The following SEPHS1 variants were observed in gnomAD, a reference collection of about 807,000 sequenced individuals.
The protein encoded by SEPHS1 is selenophosphate synthetase 1.
SEPHS1 carries 7 observed loss-of-function variants against 39.2 expected under a neutral mutation model. That is an observed-to-expected ratio of 0.18 (90% CI 0.10 to 0.34). The LOEUF (loss-of-function observed/expected upper bound fraction) is 0.34. Among genes scored for constraint, SEPHS1 ranks in the 10% least tolerant of loss-of-function variants. The pLI is 1.00. For synonymous variants in SEPHS1, 190 were observed against 195.5 expected, an observed-to-expected ratio of 0.97 and a Z score of 0.23; for missense variants, 253 against 514.5, an observed-to-expected ratio of 0.49 and a Z score of 4.92.
At chr10:13,346,998 G>A (rs74870404) in intron 1 of SEPHS1, among the ~76,000 whole-genome samples, 2,230 of 152,242 alleles carry the variant, frequency 0.015, 50 homozygotes, top group African/African-American at 0.051. Context: ...CATTTTTGGA[G>A]GGCATGGGAA....
intron 2 of SEPHS1, 116 bp from the exon 3 acceptor site, chr10:13,338,924 G>A (rs1833714381): frequency 9.3e-6 from 7 of 749,046 alleles, no homozygotes; most frequent in South Asian, 1.5e-5. Context: ...ACTGCAGGCT[G>A]CCAATGAAGC....
intron 8 of SEPHS1, among the ~76,000 whole-genome samples, chr10:13,321,075 A>G (rs1337974706): frequency 6.6e-6 from 1 of 151,942 alleles, no homozygotes; most frequent in Non-Finnish European, 1.5e-5. Flanking sequence ...AGAGTCCTGA[A>G]GCCCCCTCGC....
chr10:13,344,680 C>A, intron 2 of SEPHS1, 78 bp downstream of exon 2: 2 of 1,033,914 alleles, frequency 1.9e-6, no homozygotes, highest in Non-Finnish European at 2.7e-6. Flanking sequence ...AATAAATAGG[C>A]AACATGGGAG....
Position 13,318,865 on chromosome 10 carries a change from G to C in SEPHS1, c.*277C>G. The C allele has an allele frequency of 2.4e-6, 1 of 411,558 alleles. No homozygotes were observed. The allele number at this position is 411,558 out of a possible 1,614,324, so 25.5% of individuals were successfully genotyped here. A position where few individuals can be genotyped will look rare whatever the true frequency, so the allele number is the denominator to read the frequency against. The stretch of plus-strand genomic sequence containing the variant: ...CCTTTAAAAAGCCTATGCGGCAAGA[G>C]ATAAGTGTCTAAAGATTCAAAATGA... On this transcript the variant is annotated 3_prime_UTR_variant, in exon 9 of 9. Transcript: ENST00000327347.
At chr10:13,335,078 TC>T (rs1833587090) in intron 4 of SEPHS1, among the ~76,000 whole-genome samples, 1 of 152,198 alleles carries the variant, frequency 6.6e-6, no homozygotes. Context: ...AACTCAAGTT[TC>T]TCTAAGGCAG....
chr10:13,331,477 C>T (rs531359983), intron 5 of SEPHS1, among the ~76,000 whole-genome samples: 1 of 152,272 alleles, frequency 6.6e-6, no homozygotes, highest in East Asian at 1.9e-4. Context: ...CCTCCGCCTC[C>T]TGGGTTCAAA....
chr10:13,342,067 C>T (rs1299284268), intron 2 of SEPHS1, among the ~76,000 whole-genome samples: 4 of 150,636 alleles, frequency 2.7e-5, no homozygotes, highest in Non-Finnish European at 5.9e-5. Flanking sequence ...ATCACGAGGT[C>T]AGGAGATCGA....
intron 8 of SEPHS1, among the ~76,000 whole-genome samples, chr10:13,321,868 T>C (rs561333229): frequency 1.3e-5 from 2 of 152,092 alleles, no homozygotes; most frequent in South Asian, 4.1e-4. Context: ...CGGACAGATG[T>C]GGCCACCAAA....
rs1452385888 is a variant in SEPHS1 at position 13,325,950 on chromosome 10, A to ATAATAAT, written c.751+2400_751+2401insATTATTA. Among the ~76,000 whole-genome samples the ATAATAAT allele has an allele frequency of 9.8e-5, 6 of 61,486 alleles. 1 individual carries two copies. Among genetic ancestry groups the ATAATAAT allele is most frequent in the African/African-American group, 3.4e-4 (6 of 17,680 alleles). The allele number at this position is 61,486 out of a possible 152,430, so 40.3% of individuals were successfully genotyped here. A position where few individuals can be genotyped will look rare whatever the true frequency, so the allele number is the denominator to read the frequency against. On this transcript the variant is annotated intron_variant, in intron 7 of 8. Transcript: ENST00000327347. ...AAAAAAAAAGAGACTCAGTCTCAAA[A>ATAATAAT]AAAAAAAAAAAAAATAATAATAATA...
chr10:13,347,636 C>T (rs1256900071), intron 1 of SEPHS1, among the ~76,000 whole-genome samples: 1 of 146,928 alleles, frequency 6.8e-6, no homozygotes, highest in African/African-American at 2.4e-5. Flanking sequence ...CCCGCGACCC[C>T]AGGCCGGCCG....
At chr10:13,337,745 G>A (rs770812450) in intron 3 of SEPHS1, among the ~76,000 whole-genome samples, 4 of 152,194 alleles carry the variant, frequency 2.6e-5, no homozygotes, top group Non-Finnish European at 5.9e-5. Flanking sequence ...AGCCATCCCT[G>A]CCACCTGGTC....
rs979415403 is a variant in SEPHS1 at position 13,348,217 on chromosome 10, G to C, written c.-296C>G. The stretch of plus-strand genomic sequence containing the variant: ...GGAGCCGGGCCGCCGCGCTCCCGCC[G>C]GCTGGGCGCGCGGGGGTCCTTTAAG... On this transcript the variant is annotated 5_prime_UTR_variant, in exon 1 of 9. Transcript: ENST00000327347. 2.1e-5 allele frequency: 3 copies of C among 145,700 alleles called. No homozygotes were observed. Among genetic ancestry groups the C allele is most frequent in the African/African-American group, 7.4e-5 (3 of 40,298 alleles). 9.0% of individuals were successfully genotyped at this position (145,700 alleles called of 1,614,324 possible). A position where few individuals can be genotyped will look rare whatever the true frequency, so the allele number is the denominator to read the frequency against.
At chr10:13,346,893 C>A (rs929942329) in intron 1 of SEPHS1, among the ~76,000 whole-genome samples, 1 of 152,024 alleles carries the variant, frequency 6.6e-6, no homozygotes, top group African/African-American at 2.4e-5. Context: ...GTTTAAAACA[C>A]CTTGTATCAG....
In SEPHS1 at chr10:13,338,824, T is replaced by A; in HGVS notation, c.194-16A>T. ...ATTCCAATGCCTGTGGAGATGGAAG[T>A]CATTAGCATCCAAAAATAAAACGGG... On this transcript the variant is annotated splice_polypyrimidine_tract_variant and intron_variant, in intron 2 of 8. Transcript: ENST00000327347. The A allele has an allele frequency of 6.4e-7, 1 of 1,565,390 alleles. No homozygotes were observed. Among genetic ancestry groups the A allele is most frequent in the Non-Finnish European group, 8.8e-7 (1 of 1,135,496 alleles).
At chr10:13,341,740 T>TA (rs1409621906) in intron 2 of SEPHS1, among the ~76,000 whole-genome samples, 2 of 145,642 alleles carry the variant, frequency 1.4e-5, no homozygotes, top group African/African-American at 2.6e-5. Flanking sequence ...GCAGATCACT[T>TA]AGAGTCAGGA....
rs1564439209 is a variant in SEPHS1 at position 13,318,175 on chromosome 10, C to G, written c.*967G>C. ...TAACACAGATCACAAAAAGCGTGCA[C>G]AAAAAAGTACTGGCGCAAAGGACAA... On this transcript the variant is annotated 3_prime_UTR_variant, in exon 9 of 9. Coordinates refer to ENST00000327347, the MANE Select transcript of SEPHS1 (RefSeq NM_012247.5). The G allele has an allele frequency of 6.6e-6, 1 of 152,448 alleles. No homozygotes were observed. Among genetic ancestry groups the G allele is most frequent in the South Asian group, 2.1e-4 (1 of 4,820 alleles). The allele number at this position is 152,448 out of a possible 1,614,324, so 9.4% of individuals were successfully genotyped here.
At chr10:13,335,980 CAA>C (rs1266329760) in intron 4 of SEPHS1, among the ~76,000 whole-genome samples, 12 of 93,402 alleles carry the variant, frequency 1.3e-4, no homozygotes, top group Non-Finnish European at 1.8e-4. Context: ...ACTCCTGTCT[CAA>C]AAAAAAAAAA....
intron 5 of SEPHS1, among the ~76,000 whole-genome samples, chr10:13,331,081 G>A (rs199596019): frequency 6.7e-6 from 1 of 148,658 alleles, no homozygotes; most frequent in South Asian, 2.1e-4. Context: ...GAGAACATGC[G>A]GCGTTTGGTT....
chr10:13,327,855 TA>T (rs1156470468), intron 7 of SEPHS1, among the ~76,000 whole-genome samples: 1 of 151,682 alleles, frequency 6.6e-6, no homozygotes, highest in Admixed American at 6.6e-5. Flanking sequence ...ACAAAACAAG[TA>T]AAAAAAATGC....
Sources: gnomAD v4.1 joint callset for allele counts (sites outside exome capture counted in the v4.1 genomes callset) on GRCh38, gnomAD v4.1.1 for gene constraint, MANE v1.5 for transcripts, NCBI Gene and HGNC (gene_info 2026-07-23, HGNC 2026-07-21) for gene names.